SAMHD1: variants seen among roughly 807,000 people sequenced by gnomAD.
SAMHD1 encodes deoxynucleoside triphosphate triphosphohydrolase SAMHD1.
In SAMHD1, 54 loss-of-function variants were observed where a neutral mutation model predicts 79.6. That is an observed-to-expected ratio of 0.68 (90% CI 0.55 to 0.85). The LOEUF (loss-of-function observed/expected upper bound fraction) is 0.85. Ranked by LOEUF, SAMHD1 falls within the 40% of genes least tolerant of loss-of-function variation. SAMHD1 has a pLI of 0.00. For missense variants in SAMHD1, 663 were observed against 782.7 expected, an observed-to-expected ratio of 0.85 and a Z score of 1.82; for synonymous variants, 260 against 264.1, an observed-to-expected ratio of 0.98 and a Z score of 0.15.
intron 10 of SAMHD1, 45 bp from the exon 11 acceptor site, chr20:36,911,378 A>G: frequency 1.7e-6 from 2 of 1,194,280 alleles, no homozygotes; most frequent in Non-Finnish European, 1.2e-6. Context: ...GAAATTTTGA[A>G]TATTTGCCTT....
Position 36,941,096 on chromosome 20 carries a change from C to T in SAMHD1, c.291G>A (p.Arg97=), listed in dbSNP as rs1308693389. ...ENLGVSSLGE[R]KKLLSYIQRL... ...GCTGGATATAACTAAGCAGCTTCTT[C>T]CTCTCCCCCAAGGAACTAAAATTAC... is the stretch of plus-strand genomic sequence containing the variant. The change falls in exon 3 of 16, where the codon AGG becomes AGA. Residue 97 remains arginine, a synonymous_variant. Coordinates refer to ENST00000646673, the MANE Select transcript of SAMHD1 (RefSeq NM_015474.4). 4 of 1,612,716 alleles carry T rather than the reference C, an allele frequency of 2.5e-6. No homozygotes were observed. In the Admixed American group the frequency reaches 6.7e-5, roughly 27 times the overall value.
intron 2 of SAMHD1, among the ~76,000 whole-genome samples, chr20:36,944,871 GCAA>G (rs1422602093): frequency 6.6e-6 from 1 of 152,126 alleles, no homozygotes; most frequent in Admixed American, 6.6e-5. Flanking sequence ...TCCAGCCTGG[GCAA>G]CAAAAGCAAA....
intron 15 of SAMHD1, among the ~76,000 whole-genome samples, chr20:36,894,694 G>A (rs1287674442): frequency 6.6e-5 from 10 of 151,702 alleles, no homozygotes; most frequent in Admixed American, 6.6e-4. Flanking sequence ...TTCAACCCGG[G>A]AGGTGGAGGT....
rs780918592 is a variant in SAMHD1 at position 36,916,848 on chromosome 20, CAG to C, written c.954-20_954-19del. 7 of 1,607,220 alleles carry C rather than the reference CAG, an allele frequency of 4.4e-6. No individual in the cohort carries two copies. The highest frequency in any genetic ancestry group is 6.0e-6 in the Non-Finnish European group (7 of 1,173,828). Reference sequence around the variant, plus strand: ...GGCAGTCCCTAGAAGGATTCCAAAACAGAGAGATGAAATTTTTCAACAAGGAA... The same window carrying C: ...GGCAGTCCCTAGAAGGATTCCAAAACAGAGATGAAATTTTTCAACAAGGAA... On this transcript the variant is annotated intron_variant, in intron 8 of 15. Coordinates refer to ENST00000646673, the MANE Select transcript of SAMHD1 (RefSeq NM_015474.4).
chr20:36,916,462 T>C (rs1012818887), intron 9 of SAMHD1: 45 of 397,242 alleles, frequency 1.1e-4, no homozygotes, highest in Non-Finnish European at 3.7e-5. Context: ...TGAGATCCTA[T>C]TTCAAAAAAA....
intron 4 of SAMHD1, among the ~76,000 whole-genome samples, chr20:36,933,907 G>A (rs1315004508): frequency 3.3e-5 from 5 of 151,854 alleles, no homozygotes; most frequent in Admixed American, 2.6e-4. Flanking sequence ...TTAGCCAGGC[G>A]TGGTGGTGGG....
At chr20:36,893,536 G>A (rs1041820555) in intron 15 of SAMHD1, 19 of 277,038 alleles carry the variant, frequency 6.9e-5, no homozygotes, top group Admixed American at 3.3e-4. Flanking sequence ...AAGCTCTAAC[G>A]TTGGTCCCAT....
intron 11 of SAMHD1, among the ~76,000 whole-genome samples, chr20:36,906,928 A>G (rs2148361663): frequency 6.6e-6 from 1 of 151,812 alleles, no homozygotes; most frequent in African/African-American, 2.4e-5. Flanking sequence ...AGTAGCTGGA[A>G]CTACAGGTAC....
intron 2 of SAMHD1, chr20:36,946,390 G>C (rs1290054637): frequency 1.3e-5 from 3 of 228,612 alleles, no homozygotes; most frequent in African/African-American, 7.4e-5. Flanking sequence ...TCCAGCCTGG[G>C]AGACAGAGCG....
In SAMHD1 at chr20:36,891,189, T is replaced by C. The variant is rs2148350767; in HGVS notation, c.*1743A>G. 6.6e-6 allele frequency: 1 copy of C among 152,354 alleles called. No individual in the cohort carries two copies. The highest frequency in any genetic ancestry group is 1.9e-4 in the East Asian group (1 of 5,188). 9.4% of individuals were successfully genotyped at this position (152,354 alleles called of 1,614,324 possible). On this transcript the variant is annotated 3_prime_UTR_variant, in exon 16 of 16. Coordinates refer to ENST00000646673, the MANE Select transcript of SAMHD1 (RefSeq NM_015474.4). Reference sequence around the variant, plus strand: ...AGGAGAAGTGTTTTAACTATTCTCTTATGAATTGTAACCAACCCTTATTAT... The same window carrying C: ...AGGAGAAGTGTTTTAACTATTCTCTCATGAATTGTAACCAACCCTTATTAT...
Position 36,951,649 on chromosome 20 carries a change from C to T in SAMHD1, c.-6G>A, listed in dbSNP as rs749006942. ...TCGGAATCGGCTCGCTGCATGGCTACACCTGGCGTCCGGCACAGCAGTCAA... is the reference window on the plus strand; with the variant it reads ...TCGGAATCGGCTCGCTGCATGGCTATACCTGGCGTCCGGCACAGCAGTCAA... On this transcript the variant is annotated 5_prime_UTR_variant, in exon 1 of 16. Coordinates refer to ENST00000646673, the MANE Select transcript of SAMHD1 (RefSeq NM_015474.4). 1.2e-5 allele frequency: 19 copies of T among 1,612,912 alleles called. No individual in the cohort carries two copies. In the African/African-American group the frequency reaches 2.3e-4, roughly 19 times the overall value.
chr20:36,919,565 T>C lies in SAMHD1; in HGVS notation c.697-46A>G, dbSNP rs201608066. The C allele has an allele frequency of 4.1e-4, 646 of 1,586,004 alleles. 1 individual carries two copies. Among genetic ancestry groups the C allele is most frequent in the Non-Finnish European group, 4.9e-4 (573 of 1,157,938 alleles). On this transcript the variant is annotated intron_variant, in intron 6 of 15. Coordinates refer to ENST00000646673, the MANE Select transcript of SAMHD1 (RefSeq NM_015474.4). Reference sequence around the variant, plus strand: ...ATGATGTGTTAAAGATTCTAGCCCATTGGGAGCCCTGACTAACAAAATTAT... The same window carrying C: ...ATGATGTGTTAAAGATTCTAGCCCACTGGGAGCCCTGACTAACAAAATTAT...
chr20:36,904,380 C>T (rs923761193), intron 12 of SAMHD1, 131 bp from the exon 13 acceptor site: 30 of 728,544 alleles, frequency 4.1e-5, no homozygotes, highest in Non-Finnish European at 5.8e-5. Context: ...AAATATAGCT[C>T]CTACCAATGT....
At chr20:36,895,658 G>T (rs750583588) in intron 15 of SAMHD1, among the ~76,000 whole-genome samples, 1 of 151,952 alleles carries the variant, frequency 6.6e-6, no homozygotes, top group African/African-American at 2.4e-5. Flanking sequence ...TAGTTATCAC[G>T]ACACAGCCAA....
chr20:36,904,335 CCTAA>C (rs768726707), intron 12 of SAMHD1, 86 bp from the exon 13 acceptor site: 67 of 890,400 alleles, frequency 7.5e-5, no homozygotes, highest in Admixed American at 3.2e-4. Context: ...GAAAATGGCA[CCTAA>C]CTAAGAAAAA....
At chr20:36,909,802 G>A (rs2148363906) in intron 11 of SAMHD1, among the ~76,000 whole-genome samples, 1 of 151,716 alleles carries the variant, frequency 6.6e-6, no homozygotes, top group East Asian at 1.9e-4. Context: ...GGCATCTTGT[G>A]TTTTTATAAT....
intron 6 of SAMHD1, among the ~76,000 whole-genome samples, chr20:36,925,178 A>T (rs1401809666): frequency 6.6e-6 from 1 of 152,078 alleles, no homozygotes; most frequent in East Asian, 1.9e-4. Flanking sequence ...AAAGAAAAAA[A>T]AAGATTTCTC....
chr20:36,909,307 C>T (rs2063422911), intron 11 of SAMHD1, among the ~76,000 whole-genome samples: 3 of 152,194 alleles, frequency 2.0e-5, no homozygotes, highest in South Asian at 4.1e-4. Context: ...TAACTAAGAA[C>T]TCTGACTGGT....
chr20:36,893,904 G>A, intron 15 of SAMHD1: 1 of 398,584 alleles, frequency 2.5e-6, no homozygotes, highest in Non-Finnish European at 4.4e-6. Context: ...AGTTAGATTT[G>A]GTCAGTGGGA....
Sources: gnomAD v4.1 joint callset for allele counts (sites outside exome capture counted in the v4.1 genomes callset) on GRCh38, gnomAD v4.1.1 for gene constraint, MANE v1.5 for transcripts, NCBI Gene and HGNC (gene_info 2026-07-23, HGNC 2026-07-21) for gene names.